The following IARS1 variants were observed in gnomAD, a reference collection of about 807,000 sequenced individuals.
IARS1 encodes the protein isoleucine--tRNA ligase, cytoplasmic.
In IARS1, 124 loss-of-function variants were observed where a neutral mutation model predicts 168.2. The ratio of observed to expected loss-of-function variants is 0.74; its 90% CI spans 0.64 to 0.86. The LOEUF (loss-of-function observed/expected upper bound fraction) is 0.86, where lower values mean the gene tolerates loss of function less well. IARS1 is among the 40% of genes least tolerant of loss of function. The pLI is 0.00. For missense variants in IARS1, 1,452 were observed against 1,515.8 expected, an observed-to-expected ratio of 0.96 and a Z score of 0.70; for synonymous variants, 532 against 529.4, an observed-to-expected ratio of 1.00 and a Z score of -0.07.
intron 33 of IARS1, among the ~76,000 whole-genome samples, chr9:92,215,029 A>G (rs575933233): frequency 6.6e-6 from 1 of 152,310 alleles, no homozygotes; most frequent in South Asian, 2.1e-4. Flanking sequence ...CCTGTCTGAC[A>G]GCTTTGAAGA....
chr9:92,226,702 A>T (rs76668726), intron 31 of IARS1, among the ~76,000 whole-genome samples: 1,860 of 152,038 alleles, frequency 0.012, 37 homozygotes, highest in African/African-American at 0.042. Flanking sequence ...GCTCCCGGCA[A>T]TCTTGGTTGT....
intron 1 of IARS1, among the ~76,000 whole-genome samples, chr9:92,290,812 C>G (rs1836199553): frequency 6.6e-6 from 1 of 152,006 alleles, no homozygotes; most frequent in Non-Finnish European, 1.5e-5. Context: ...AAAAATATCT[C>G]AAAGTAGTTA....
At chr9:92,239,563 T>C (rs894592674) in intron 30 of IARS1, among the ~76,000 whole-genome samples, 1 of 149,146 alleles carries the variant, frequency 6.7e-6, no homozygotes, top group Non-Finnish European at 1.5e-5. Context: ...ATACCTTAAC[T>C]GACACTACAG....
chr9:92,241,024 C>T (rs1828318305), intron 29 of IARS1, 63 bp from the exon 30 acceptor site: 2 of 876,644 alleles, frequency 2.3e-6, no homozygotes, highest in Non-Finnish European at 3.9e-6. Context: ...GCCACACCAT[C>T]GTGTAACACA....
rs1167850045 is a variant in IARS1 at position 92,265,554 on chromosome 9, C to T, written c.1432-1G>A. The stretch of plus-strand genomic sequence containing the variant: ...CCGCCACTGACCCAATGCATACCAC[C>T]TGTCAAAAACAAAGTTCAATAGCAG... On this transcript the variant is annotated splice_acceptor_variant, in intron 14 of 33. Transcript: ENST00000443024. LOFTEE classifies it high-confidence loss of function. 6.2e-7 allele frequency: 1 copy of T among 1,613,662 alleles called. No individual in the cohort carries two copies. Among genetic ancestry groups the T allele is most frequent in the Admixed American group, 1.7e-5 (1 of 60,024 alleles).
chr9:92,234,533 C>T (rs915666755), intron 30 of IARS1, among the ~76,000 whole-genome samples: 1 of 152,158 alleles, frequency 6.6e-6, no homozygotes, highest in African/African-American at 2.4e-5. Flanking sequence ...GGAAAATAGG[C>T]CCTACCTGTC....
Position 92,251,790 on chromosome 9 carries a change from A to G in IARS1, c.2307+18T>C. 6.2e-7 allele frequency: 1 copy of G among 1,605,210 alleles called. No homozygotes were observed. Among genetic ancestry groups the G allele is most frequent in the Non-Finnish European group, 8.5e-7 (1 of 1,172,016 alleles). ...GCCCATAGGCCAAAGGGTACTAGAA[A>G]GAAGCCAATCATCTTACCATAAGTC... is the stretch of plus-strand genomic sequence containing the variant. On this transcript the variant is annotated intron_variant, in intron 22 of 33. Transcript: ENST00000443024.
intron 31 of IARS1, among the ~76,000 whole-genome samples, chr9:92,227,890 G>A (rs1297561971): frequency 6.6e-6 from 1 of 152,088 alleles, no homozygotes; most frequent in Non-Finnish European, 1.5e-5. Context: ...CATCCCAGAC[G>A]ATTGGCAGCC....
Position 92,271,629 on chromosome 9 carries a change from A to G in IARS1, c.1017T>C (p.Phe339=), listed in dbSNP as rs1833043815. ...GAEDYRVCMD[F]NIIRKDSLPV... is the part of the protein sequence containing the mutation. ...GGAGTGAGTCTTTCCGAATAATGTT[A>G]AAGTCCATACAGACCCGATAGTCCT... Residue 339 remains phenylalanine (F), a synonymous_variant, in exon 11 of 34, where the codon TTT becomes TTC. Transcript: ENST00000443024. 1 of 1,614,032 alleles carries G rather than the reference A, an allele frequency of 6.2e-7. No homozygotes were observed. The highest frequency in any genetic ancestry group is 1.7e-5 in the Admixed American group (1 of 60,010).
intron 6 of IARS1, among the ~76,000 whole-genome samples, chr9:92,285,149 C>T (rs370026328): frequency 2.3e-4 from 35 of 152,194 alleles, no homozygotes; most frequent in African/African-American, 7.7e-4. Flanking sequence ...AGTATACACA[C>T]GAGAAGAGAT....
chr9:92,243,142 T>A (rs1828686502), intron 28 of IARS1, 74 bp downstream of exon 28: 1 of 987,198 alleles, frequency 1.0e-6, no homozygotes, highest in Non-Finnish European at 1.6e-6. Context: ...ATTACCTGCC[T>A]CTCCTATCTT....
chr9:92,266,850 T>G (rs1191238281), intron 14 of IARS1, among the ~76,000 whole-genome samples: 1 of 152,240 alleles, frequency 6.6e-6, no homozygotes, highest in African/African-American at 2.4e-5. Context: ...GTCTTCAACT[T>G]TCCAGTCATG....
intron 33 of IARS1, among the ~76,000 whole-genome samples, chr9:92,214,065 G>A (rs1187065760): frequency 6.6e-6 from 1 of 151,826 alleles, no homozygotes; most frequent in Admixed American, 6.6e-5. Flanking sequence ...GGGATTACAC[G>A]AGTGAGCCAC....
intron 6 of IARS1, among the ~76,000 whole-genome samples, chr9:92,283,260 T>A (rs1433073640): frequency 6.6e-6 from 1 of 152,182 alleles, no homozygotes; most frequent in Non-Finnish European, 1.5e-5. Context: ...GTGACAAAAT[T>A]GAGAACACTT....
intron 6 of IARS1, among the ~76,000 whole-genome samples, chr9:92,284,772 C>T (rs930142098): frequency 6.6e-6 from 1 of 152,058 alleles, no homozygotes. Flanking sequence ...CTGACTCAAA[C>T]AAACAAACAA....
rs190494325 is a variant in IARS1, at chr9:92,230,814, T to C, written c.3284-1688A>G. On this transcript the variant is annotated intron_variant, in intron 30 of 33. Transcript: ENST00000443024. ...TGATAGCTGTGTATTAAGACCTCAA[T>C]GTGATTTCAACTTGAATTTTCCTAA... Among the ~76,000 whole-genome samples, 670 of 152,366 alleles carry C rather than the reference T, an allele frequency of 4.4e-3. 9 individuals are homozygous for C. The highest frequency in any genetic ancestry group is 6.7e-3 in the East Asian group (35 of 5,188).
chr9:92,214,072 CCA>C (rs905591548), intron 33 of IARS1, among the ~76,000 whole-genome samples: 2 of 151,844 alleles, frequency 1.3e-5, no homozygotes, highest in African/African-American at 2.4e-5. Flanking sequence ...CACGAGTGAG[CCA>C]CCACGCAGAC....
At chr9:92,287,248 T>C (rs1037251710) in intron 4 of IARS1, among the ~76,000 whole-genome samples, 1 of 152,154 alleles carries the variant, frequency 6.6e-6, no homozygotes, top group Non-Finnish European at 1.5e-5. Context: ...GAGAAGGCCA[T>C]GAAATACAAA....
chr9:92,215,645 T>C (rs1475584932), intron 33 of IARS1, among the ~76,000 whole-genome samples: 2 of 152,080 alleles, frequency 1.3e-5, no homozygotes, highest in African/African-American at 2.4e-5. Flanking sequence ...CAGGAGCCGA[T>C]GCGATCAACT....
Sources: allele counts gnomAD v4.1 joint callset (sites outside exome capture counted in the v4.1 genomes callset), GRCh38; gene constraint gnomAD v4.1.1; transcripts MANE v1.5; gene names NCBI Gene and HGNC (gene_info 2026-07-23, HGNC 2026-07-21).